Variants in NBPF9 observed in about 807,000 individuals in gnomAD.
The protein encoded by NBPF9 is NBPF family member NBPF9.
Under a neutral mutation model 97.8 loss-of-function variants are expected in NBPF9, and 91 were observed. The ratio of observed to expected loss-of-function variants is 0.93; its 90% CI spans 0.79 to 1.11. NBPF9 has a LOEUF of 1.11. Among genes scored for constraint, NBPF9 ranks in the 50% least tolerant of loss-of-function variants. The pLI, the probability that NBPF9 is intolerant of heterozygous loss-of-function variation, is 0.00. For missense variants in NBPF9, 992 were observed against 939.5 expected (o/e 1.06, Z -0.73); for synonymous variants, 334 against 359.5 (o/e 0.93, Z 0.80).
intron 11 of NBPF9, among the ~76,000 whole-genome samples, chr1:149,076,895 G>A (rs1263089955): frequency 6.6e-6 from 1 of 151,632 alleles, no homozygotes; most frequent in African/African-American, 2.4e-5. Flanking sequence ...GATCATCTCA[G>A]CCCATCCTCC....
chr1:149,077,834 A>G, intron 10 of NBPF9, 49 bp downstream of exon 10: 1 of 1,596,624 alleles, frequency 6.3e-7, no homozygotes, highest in Non-Finnish European at 8.6e-7. Context: ...CCTCCTAGAC[A>G]TCTTCATATG....
At chr1:149,072,660 G>A (rs1268488809) in intron 14 of NBPF9, 58 bp downstream of exon 14, 6 of 1,557,792 alleles carry the variant, frequency 3.9e-6, no homozygotes, top group Non-Finnish European at 5.3e-6. Context: ...AAGTATGGAG[G>A]TCTGGAGCCT....
chr1:149,055,643 T>A (rs781901380), exon 30 of NBPF9: 1 of 1,611,756 alleles, frequency 6.2e-7, no homozygotes, highest in Middle Eastern at 2.3e-4. Flanking sequence ...TCTCTCGGCT[T>A]AGTAAGGGCT....
At chr1:149,072,648 G>A in intron 14 of NBPF9, 70 bp downstream of exon 14, 1 of 1,529,024 alleles carries the variant, frequency 6.5e-7, no homozygotes, top group South Asian at 1.1e-5. Flanking sequence ...CTGTCATTGT[G>A]AAAGTATGGA....
chr1:149,097,624 C>T (rs1298059008), intron 4 of NBPF9, among the ~76,000 whole-genome samples: 4 of 152,002 alleles, frequency 2.6e-5, no homozygotes, highest in Admixed American at 6.6e-5. Context: ...ACCTGGTGGA[C>T]GGCCACGTGA....
At chr1:149,075,753 G>A in exon 12 of NBPF9, 1 of 1,595,836 alleles carries the variant, frequency 6.3e-7, no homozygotes, top group South Asian at 1.1e-5. Context: ...TGCCAGCTGG[G>A]GGCGCAATTT....
intron 8 of NBPF9, among the ~76,000 whole-genome samples, chr1:149,079,661 A>G (rs4067694): frequency 2.7e-5 from 4 of 150,856 alleles, no homozygotes; most frequent in East Asian, 2.0e-4. Context: ...CAGGGTCGAG[A>G]AGGCAACATT....
intron 17 of NBPF9, among the ~76,000 whole-genome samples, chr1:149,068,476 C>A (rs1430543132): frequency 1.3e-5 from 2 of 148,602 alleles, no homozygotes; most frequent in Non-Finnish European, 3.0e-5. Flanking sequence ...GGGTTGCAAT[C>A]CTAGTCTCTG....
At chr1:149,080,406 G>A (rs1166231127) in intron 7 of NBPF9, among the ~76,000 whole-genome samples, 2 of 150,680 alleles carry the variant, frequency 1.3e-5, no homozygotes, top group African/African-American at 2.5e-5. Flanking sequence ...CAACCACAAC[G>A]AAGTGGAGTC....
In NBPF9 at chr1:149,065,657, G is replaced by A. The variant is rs587655574; in HGVS notation, c.1670C>T (p.Pro557Leu). ...ATAACCTTCATCCCAGGACTCCTGGGGGACTTCCTCCTCTTCAGACTCCTG... is the reference window on the plus strand; with the variant it reads ...ATAACCTTCATCCCAGGACTCCTGGAGGACTTCCTCCTCTTCAGACTCCTG... Residue 557 changes from proline (P) to leucine (L), a missense_variant, in exon 18 of 30, where the codon CCC (proline) becomes CTC (leucine). This residue lies in a region of NBPF9 where 151 missense variants were observed against 132.8 expected (regional missense o/e 1.14). Transcript: ENST00000584027. 9 of 1,603,792 alleles carry A rather than the reference G, an allele frequency of 5.6e-6. 2 individuals are homozygous for A. The East Asian group carries it at 9.8e-5, about 17-fold the overall frequency.
At chr1:149,062,948 G>A (rs782023260) in intron 20 of NBPF9, 35 bp from the exon 21 acceptor site, 4 of 792,790 alleles carry the variant, frequency 5.0e-6, no homozygotes, top group African/African-American at 1.7e-5. Context: ...GTCATATTAA[G>A]CTGGTTCTCC....
chr1:149,074,565 G>C (rs1434276080), intron 12 of NBPF9, among the ~76,000 whole-genome samples: 1 of 151,390 alleles, frequency 6.6e-6, no homozygotes, highest in African/African-American at 2.4e-5. Context: ...AATTTACAGA[G>C]GTAGGTATTA....
At position 149,062,439 on chromosome 1, in the gene NBPF9, G is replaced by C. The variant is rs186885934; in HGVS notation, c.2079-174C>G. 3.5e-5 allele frequency among the ~76,000 whole-genome samples: 5 copies of C among 144,080 alleles called. No individual in the cohort carries two copies. In the East Asian group the frequency reaches 9.8e-4, roughly 28 times the overall value. The allele number at this position is 144,080 out of a possible 152,430, so 94.5% of individuals were successfully genotyped here. A position where few individuals can be genotyped will look rare whatever the true frequency, so the allele number is the denominator to read the frequency against. The stretch of plus-strand genomic sequence containing the variant: ...GGATAGACCAGGGTCAGGTGGAAAA[G>C]AATGAAAGAGAAAGACAGGGAGAGG... On this transcript the variant is annotated intron_variant, in intron 21 of 29. Coordinates refer to ENST00000584027, the Ensembl canonical transcript of NBPF9.
intron 17 of NBPF9, 196 bp from the exon 18 acceptor site, chr1:149,065,885 G>A (rs587661302): frequency 2.2e-5 from 16 of 726,328 alleles, no homozygotes; most frequent in African/African-American, 9.0e-5. Context: ...AGCAAAAATG[G>A]GCAGCGTGTG....
chr1:149,101,821 C>T (rs1215531044), intron 2 of NBPF9, among the ~76,000 whole-genome samples: 1 of 151,852 alleles, frequency 6.6e-6, no homozygotes, highest in African/African-American at 2.4e-5. Context: ...CATTCATATA[C>T]CTCTAAAACC....
chr1:149,074,758 T>C lies in NBPF9; in HGVS notation c.989-888A>G, dbSNP rs1243762019. Among the ~76,000 whole-genome samples, 111 of 151,446 alleles carry C rather than the reference T, an allele frequency of 7.3e-4. 2 individuals carry two copies. The highest frequency in any genetic ancestry group is 3.4e-3 in the Middle Eastern group (1 of 292). On this transcript the variant is annotated intron_variant, in intron 12 of 29. Coordinates refer to ENST00000584027, the Ensembl canonical transcript of NBPF9. ...ACTCTGTGCCCCAGGAAGCAGGACT[T>C]CACTCTCACCAAGCTACTCTCTGCT...
intron 23 of NBPF9, chr1:149,061,108 GT>G (rs1181203231): frequency 2.5e-6 from 1 of 405,068 alleles, no homozygotes; most frequent in East Asian, 3.1e-5. Context: ...TGAGAATAGA[GT>G]TTTTGAAGTC....
At chr1:149,089,157 T>C (rs1575869974) in intron 5 of NBPF9, among the ~76,000 whole-genome samples, 1 of 152,198 alleles carries the variant, frequency 6.6e-6, no homozygotes. Flanking sequence ...ATGCGGCATC[T>C]CCCGCCATGA....
intron 5 of NBPF9, among the ~76,000 whole-genome samples, chr1:149,086,276 A>G (rs868974225): frequency 2.5e-3 from 381 of 150,226 alleles, no homozygotes; most frequent in African/African-American, 9.0e-3. Context: ...AAATATTAAG[A>G]GGAAAAAAAA....
Sources: gnomAD v4.1 joint callset for allele counts (sites outside exome capture counted in the v4.1 genomes callset) on GRCh38, gnomAD v4.1.1 for gene constraint, gnomAD v4.1.1 regional missense constraint, MANE v1.5 for transcripts, NCBI Gene and HGNC (gene_info 2026-07-23, HGNC 2026-07-21) for gene names.